Variants in TRIM72 observed in about 807,000 individuals in gnomAD.
TRIM72 encodes tripartite motif-containing protein 72.
In TRIM72, 33 loss-of-function variants were observed where a neutral mutation model predicts 31.6. The observed-to-expected ratio is 1.04, with a 90% CI of 0.79 to 1.40. The LOEUF (loss-of-function observed/expected upper bound fraction) is 1.40, where lower values mean the gene tolerates loss of function less well. TRIM72 is among the 40% of genes most tolerant of loss of function. The pLI, the probability that TRIM72 is intolerant of heterozygous loss-of-function variation, is 0.00. For missense variants in TRIM72, 666 were observed against 682.7 expected (o/e 0.98, Z 0.27); for synonymous variants, 301 against 314.4 (o/e 0.96, Z 0.45).
chr16:31,217,093 C>G, intron 2 of TRIM72: 1 of 1,519,882 alleles, frequency 6.6e-7, no homozygotes, highest in Non-Finnish European at 8.9e-7. Flanking sequence ...TTTCCTGCAG[C>G]AGGTGGAGCT....
In TRIM72 at chr16:31,229,672, C is replaced by T. The variant is rs908514381; in HGVS notation, c.*4917C>T. On this transcript the variant is annotated 3_prime_UTR_variant, in exon 7 of 7. Coordinates refer to ENST00000322122, the MANE Select transcript of TRIM72 (RefSeq NM_001008274.4). Reference sequence around the variant, plus strand: ...GTCCCCTCCGTGAGTCCCTCCTCTCCACGGGAACGCTGGAAACCCCCAGAA... The same window carrying T: ...GTCCCCTCCGTGAGTCCCTCCTCTCTACGGGAACGCTGGAAACCCCCAGAA... 10 of 152,204 alleles carry T rather than the reference C, an allele frequency of 6.6e-5. No individual in the cohort carries two copies. Among genetic ancestry groups the T allele is most frequent in the African/African-American group, 2.4e-4 (10 of 41,450 alleles). The allele number at this position is 152,204 out of a possible 1,614,324, so 9.4% of individuals were successfully genotyped here. A position where few individuals can be genotyped will look rare whatever the true frequency, so the allele number is the denominator to read the frequency against.
chr16:31,220,933 G>T lies in TRIM72; in HGVS notation c.740+15G>T. Reference sequence around the variant, plus strand: ...GTGACCAGCAGGTGAGAGCAACCTGGCCCTGTCCCTTTGCCCGACTTGTCC... The same window carrying T: ...GTGACCAGCAGGTGAGAGCAACCTGTCCCTGTCCCTTTGCCCGACTTGTCC... On this transcript the variant is annotated intron_variant, in intron 5 of 6. Transcript: ENST00000322122. 6.2e-7 allele frequency: 1 copy of T among 1,614,090 alleles called. No homozygotes were observed. The highest frequency in any genetic ancestry group is 8.5e-7 in the Non-Finnish European group (1 of 1,180,008).
rs2079554914 is a variant in TRIM72 at position 31,226,300 on chromosome 16, A to G, written c.*1545A>G. On this transcript the variant is annotated 3_prime_UTR_variant, in exon 7 of 7. Transcript: ENST00000322122. ...GGAAGGAAACAAACAAACATAAACC[A>G]AAGCAAAGACACTTAAGGGCTGGGT... 6.6e-6 allele frequency: 1 copy of G among 152,142 alleles called. No individual in the cohort carries two copies. Among genetic ancestry groups the G allele is most frequent in the Non-Finnish European group, 1.5e-5 (1 of 68,038 alleles). 9.4% of individuals were successfully genotyped at this position (152,142 alleles called of 1,614,324 possible). A position where few individuals can be genotyped will look rare whatever the true frequency, so the allele number is the denominator to read the frequency against.
rs1184047378 is a variant in TRIM72, at chr16:31,227,624, AG to A, written c.*2870del. The A allele has an allele frequency of 6.8e-6, 1 of 146,950 alleles. No individual in the cohort carries two copies. Among genetic ancestry groups the A allele is most frequent in the Non-Finnish European group, 1.5e-5 (1 of 66,690 alleles). 9.1% of individuals were successfully genotyped at this position (146,950 alleles called of 1,614,324 possible). On this transcript the variant is annotated 3_prime_UTR_variant, in exon 7 of 7. Coordinates refer to ENST00000322122, the MANE Select transcript of TRIM72 (RefSeq NM_001008274.4). ...TGGCCTTCCAGCTTCATCTGTTTTT[AG>A]TTAAAAAACAATTTTTTTTTTTGAG...
rs35529522 is a variant in TRIM72, at chr16:31,228,569, C to CTT, written c.*3833_*3834dup. 93 of 133,344 alleles carry CTT rather than the reference C, an allele frequency of 7.0e-4. No homozygotes were observed. Among genetic ancestry groups the CTT allele is most frequent in the Non-Finnish European group, 8.6e-4 (54 of 62,466 alleles). 8.3% of individuals were successfully genotyped at this position (133,344 alleles called of 1,614,324 possible). ...TGAACTGCTGGGGTCTCTGCACCTC[C>CTT]TTTTTTTTTTTTTTTTTTTTGAGAT... On this transcript the variant is annotated 3_prime_UTR_variant, in exon 7 of 7. Transcript: ENST00000322122.
At position 31,216,429 on chromosome 16, in the gene TRIM72, A is replaced by G. The variant is rs560417722; in HGVS notation, c.390+1301A>G. ...AATAAATCTTGCTGCCGCTAAAAAA[A>G]AAACAAAAAACAAACAAACAAAAAA... On this transcript the variant is annotated intron_variant, in intron 2 of 6. Transcript: ENST00000322122. This position sits in a 1 kb window ranked among gnomAD's most constrained non-coding sequence, Gnocchi z 6.7. 3.0e-6 allele frequency: 1 copy of G among 335,670 alleles called. No individual in the cohort carries two copies. Among genetic ancestry groups the G allele is most frequent in the East Asian group, 4.9e-5 (1 of 20,514 alleles). The allele number at this position is 335,670 out of a possible 1,614,324, so 20.8% of individuals were successfully genotyped here.
intron 2 of TRIM72, chr16:31,217,223 GA>G (rs2079514429): frequency 3.3e-6 from 2 of 610,584 alleles, no homozygotes; most frequent in Non-Finnish European, 5.6e-6. Context: ...TTTCCCCTGG[GA>G]GAGTGGGGGC....
intron 2 of TRIM72, among the ~76,000 whole-genome samples, chr16:31,218,577 G>A (rs2079519987): frequency 1.3e-5 from 2 of 152,096 alleles, no homozygotes. Flanking sequence ...AGCTACTTGG[G>A]AGGCTGAGGC....
At position 31,216,931 on chromosome 16, in the gene TRIM72, C is replaced by A; in HGVS notation, c.390+1803C>A. 1 of 1,614,152 alleles carries A rather than the reference C, an allele frequency of 6.2e-7. No homozygotes were observed. The highest frequency in any genetic ancestry group is 8.5e-7 in the Non-Finnish European group (1 of 1,180,040). ...CCGCGGGATGCGCTCAAAGCCCTCG[C>A]GCAGCGGCACCGTCCCCAGCTTCAT... On this transcript the variant is annotated intron_variant, in intron 2 of 6. Transcript: ENST00000322122. The surrounding 1 kb of genome is among the most constrained non-coding windows in gnomAD (Gnocchi z 6.7).
chr16:31,224,436 T>A lies in TRIM72; in HGVS notation c.1115T>A (p.Leu372Gln). Reference sequence around the variant, plus strand: ...GCCGAGGCCCCCCGCCGCGGGCGCCTGCACGCGGTGCCCTCGCAGGGCCTG... The same window carrying A: ...GCCGAGGCCCCCCGCCGCGGGCGCCAGCACGCGGTGCCCTCGCAGGGCCTG... ...IAAEAPRRGR[L>Q]HAVPSQGLWL... Residue 372 changes from leucine to glutamine, a missense_variant, in exon 7 of 7, where the codon CTG becomes CAG. Leu to Gln is a moderately radical substitution (Grantham distance 113, BLOSUM62 -2). Coordinates refer to ENST00000322122, the MANE Select transcript of TRIM72 (RefSeq NM_001008274.4). 2 of 1,430,336 alleles carry A rather than the reference T, an allele frequency of 1.4e-6. No individual in the cohort carries two copies. The highest frequency in any genetic ancestry group is 1.8e-6 in the Non-Finnish European group (2 of 1,104,910). The allele number at this position is 1,430,336 out of a possible 1,614,324, so 88.6% of individuals were successfully genotyped here.
At chr16:31,220,757 C>A in intron 4 of TRIM72, 139 bp from the exon 5 acceptor site, 1 of 1,138,898 alleles carries the variant, frequency 8.8e-7, no homozygotes, top group South Asian at 1.3e-5. Flanking sequence ...AGGCATGAGC[C>A]ACCTCGTCTG....
intron 2 of TRIM72, among the ~76,000 whole-genome samples, chr16:31,217,615 ATTT>A (rs536702762): frequency 3.6e-5 from 5 of 137,216 alleles, no homozygotes; most frequent in Non-Finnish European, 4.8e-5. Flanking sequence ...TGCAGGGGAC[ATTT>A]TTTTTTTTTT....
At chr16:31,218,965 T>C in intron 2 of TRIM72, 130 bp from the exon 3 acceptor site, 2 of 814,154 alleles carry the variant, frequency 2.5e-6, no homozygotes, top group Non-Finnish European at 3.9e-6. Context: ...TGTAAGTGGG[T>C]TTGGGGATGG....
chr16:31,226,276 G>A lies in TRIM72; in HGVS notation c.*1521G>A, dbSNP rs1466897502. ...ACATGTAAGGTTTGCACCAGGAGTG[G>A]AAGGAAACAAACAAACATAAACCAA... On this transcript the variant is annotated 3_prime_UTR_variant, in exon 7 of 7. Transcript: ENST00000322122. The A allele has an allele frequency of 6.6e-6, 1 of 152,144 alleles. No homozygotes were observed. Among genetic ancestry groups the A allele is most frequent in the African/African-American group, 2.4e-5 (1 of 41,426 alleles). 9.4% of individuals were successfully genotyped at this position (152,144 alleles called of 1,614,324 possible).
In TRIM72 at chr16:31,222,879, C is replaced by T. The variant is rs776740420; in HGVS notation, c.793C>T (p.Leu265=). The T allele has an allele frequency of 6.4e-7, 1 of 1,551,086 alleles. No individual in the cohort carries two copies. Among genetic ancestry groups the T allele is most frequent in the East Asian group, 2.6e-5 (1 of 37,996 alleles). The change falls in exon 6 of 7, where the codon CTG becomes TTG. Residue 265 remains leucine, a synonymous_variant. Transcript: ENST00000322122. ...CCCACCCGCCCGTCTGGACATCCAG[C>T]TGCCAATTATCTCAGATGACTTCAA... ...SPPPARLDIQ[L]PIISDDFKFQ... is the part of the protein sequence containing the mutation.
Position 31,215,103 on chromosome 16 carries a change from C to T in TRIM72, c.365C>T (p.Ala122Val). ...GSHRGHRLLP[A>V]AEAHARLKTQ... ...CACCGCGGTCATCGCCTCCTGCCTGCCGCCGAGGCCCACGCACGCCTCAAG... is the reference window on the plus strand; with the variant it reads ...CACCGCGGTCATCGCCTCCTGCCTGTCGCCGAGGCCCACGCACGCCTCAAG... Residue 122 changes from alanine (A) to valine (V), a missense_variant, in exon 2 of 7, where the codon GCC becomes GTC. Physicochemically the swap from Ala to Val is moderately conservative, Grantham distance 64. Coordinates refer to ENST00000322122, the MANE Select transcript of TRIM72 (RefSeq NM_001008274.4). The surrounding 1 kb of genome is among the most constrained non-coding windows in gnomAD (Gnocchi z 6.3). 6.9e-7 allele frequency: 1 copy of T among 1,445,966 alleles called. No individual in the cohort carries two copies. Among genetic ancestry groups the T allele is most frequent in the Middle Eastern group, 2.6e-4 (1 of 3,858 alleles). 89.6% of individuals were successfully genotyped at this position (1,445,966 alleles called of 1,614,324 possible). A position where few individuals can be genotyped will look rare whatever the true frequency, so the allele number is the denominator to read the frequency against.
intron 5 of TRIM72, 152 bp downstream of exon 5, chr16:31,221,070 T>G: frequency 9.6e-7 from 1 of 1,038,442 alleles, no homozygotes; most frequent in Non-Finnish European, 1.5e-6. Flanking sequence ...TAGACAGAAA[T>G]GATCTGGAAG....
intron 5 of TRIM72, among the ~76,000 whole-genome samples, chr16:31,221,458 A>G (rs2079533118): frequency 8.0e-6 from 1 of 125,340 alleles, no homozygotes; most frequent in Non-Finnish European, 1.6e-5. Flanking sequence ...CTGGGAGAAG[A>G]AGGACATTGC....
rs2079547525 is a variant in TRIM72, at chr16:31,224,524, C to T, written c.1203C>T (p.Arg401=). ...LEAHVEAKEP[R]ALRSPERRPT... Reference sequence around the variant, plus strand: ...CACACGTGGAGGCCAAGGAGCCGCGCGCTCTGCGCAGCCCCGAGAGGCGGC... The same window carrying T: ...CACACGTGGAGGCCAAGGAGCCGCGTGCTCTGCGCAGCCCCGAGAGGCGGC... Residue 401 remains arginine (R), a synonymous_variant, in exon 7 of 7, where the codon CGC becomes CGT. Transcript: ENST00000322122. 1 of 1,511,098 alleles carries T rather than the reference C, an allele frequency of 6.6e-7. No homozygotes were observed. The highest frequency in any genetic ancestry group is 8.8e-7 in the Non-Finnish European group (1 of 1,134,888). 93.6% of individuals were successfully genotyped at this position (1,511,098 alleles called of 1,614,324 possible).
Sources: gnomAD v4.1 joint callset for allele counts (sites outside exome capture counted in the v4.1 genomes callset) on GRCh38, gnomAD v4.1.1 for gene constraint, Gnocchi (gnomAD v3.1) non-coding constraint, MANE v1.5 for transcripts, NCBI Gene and HGNC (gene_info 2026-07-23, HGNC 2026-07-21) for gene names.